LGR6: variants seen among roughly 807,000 people sequenced by gnomAD.
LGR6 encodes leucine rich repeat containing G protein-coupled receptor 6, also known as leucine-rich repeat-containing G protein-coupled receptor 6.
LGR6 carries 45 observed loss-of-function variants against 69.4 expected under a neutral mutation model. That is an observed-to-expected ratio of 0.65 (90% CI 0.51 to 0.83). LGR6 has a LOEUF of 0.83. Ranked by LOEUF, LGR6 falls within the 40% of genes least tolerant of loss-of-function variation. The pLI is 0.00. For synonymous variants in LGR6, 538 were observed against 555.0 expected (o/e 0.97, Z 0.43); for missense variants, 1,108 against 1,246.7 (o/e 0.89, Z 1.68).
chr1:202,207,010 C>A (rs780611727), intron 1 of LGR6, among the ~76,000 whole-genome samples: 3 of 152,116 alleles, frequency 2.0e-5, no homozygotes, highest in African/African-American at 7.2e-5. Flanking sequence ...CTCCGCCTCT[C>A]GGGTTCAAGC....
At chr1:202,252,703 T>C (rs985618911) in intron 4 of LGR6, among the ~76,000 whole-genome samples, 2 of 152,230 alleles carry the variant, frequency 1.3e-5, no homozygotes, top group Non-Finnish European at 2.9e-5. Flanking sequence ...ACTTGTGGGA[T>C]TGGGACACTA....
intron 7 of LGR6, among the ~76,000 whole-genome samples, chr1:202,300,443 C>T (rs1319391714): frequency 6.6e-6 from 1 of 152,100 alleles, no homozygotes; most frequent in Non-Finnish European, 1.5e-5. Flanking sequence ...CACTTTAGCC[C>T]AGGAGTTCTA....
At chr1:202,238,684 A>G (rs1289757272) in intron 4 of LGR6, among the ~76,000 whole-genome samples, 1 of 151,504 alleles carries the variant, frequency 6.6e-6, no homozygotes, top group Non-Finnish European at 1.5e-5. Flanking sequence ...CGGCCTCCCA[A>G]AGTGCTGGGA....
At chr1:202,230,467 C>T (rs751069598) in intron 3 of LGR6, among the ~76,000 whole-genome samples, 3 of 152,238 alleles carry the variant, frequency 2.0e-5, no homozygotes, top group Non-Finnish European at 4.4e-5. Context: ...TCACTAGTCT[C>T]ACCATCCCGG....
At chr1:202,234,406 T>G (rs1318853976) in intron 3 of LGR6, among the ~76,000 whole-genome samples, 2 of 152,198 alleles carry the variant, frequency 1.3e-5, no homozygotes, top group African/African-American at 4.8e-5. Context: ...GGGTTCATAT[T>G]TGAGATTTTC....
intron 4 of LGR6, among the ~76,000 whole-genome samples, chr1:202,273,371 A>G (rs1377451202): frequency 6.6e-6 from 1 of 152,164 alleles, no homozygotes; most frequent in Non-Finnish European, 1.5e-5. Flanking sequence ...AGCAGAGAGC[A>G]AGGCCCAGAT....
At chr1:202,274,522 T>A (rs1665377895) in intron 4 of LGR6, among the ~76,000 whole-genome samples, 1 of 152,242 alleles carries the variant, frequency 6.6e-6, no homozygotes. Context: ...GTTGTTAGAT[T>A]GGAGCATCAG....
chr1:202,310,894 G>A (rs1653672775), intron 16 of LGR6, among the ~76,000 whole-genome samples: 1 of 152,132 alleles, frequency 6.6e-6, no homozygotes, highest in African/African-American at 2.4e-5. Flanking sequence ...GAGTCTGAAA[G>A]TGAGACTTCC....
chr1:202,215,875 G>A (rs1659744555), intron 1 of LGR6, among the ~76,000 whole-genome samples: 1 of 152,234 alleles, frequency 6.6e-6, no homozygotes, highest in African/African-American at 2.4e-5. Context: ...TCGAGCACAG[G>A]ATCGTGTGGC....
intron 7 of LGR6, among the ~76,000 whole-genome samples, chr1:202,299,475 G>A (rs1290555501): frequency 6.6e-6 from 1 of 151,976 alleles, no homozygotes; most frequent in Non-Finnish European, 1.5e-5. Context: ...AGTTAGCAGG[G>A]ACAAAAATAT....
intron 6 of LGR6, among the ~76,000 whole-genome samples, chr1:202,291,441 C>T (rs1666785278): frequency 6.6e-6 from 1 of 152,230 alleles, no homozygotes; most frequent in South Asian, 2.1e-4. Flanking sequence ...CAAGACACTG[C>T]CATGAAGCAG....
At position 202,319,520 on chromosome 1, in the gene LGR6, G is replaced by A. The variant is rs1654463841; in HGVS notation, c.*313G>A. On this transcript the variant is annotated 3_prime_UTR_variant, in exon 18 of 18. Coordinates refer to ENST00000367278, the MANE Select transcript of LGR6 (RefSeq NM_001017403.2). ...AAATGAGGGAAGTAAAGACAGTGAA[G>A]GGGTGGAGGGTTGATCAGGGCACAG... 1 of 309,558 alleles carries A rather than the reference G, an allele frequency of 3.2e-6. No individual in the cohort carries two copies. The highest frequency in any genetic ancestry group is 5.9e-6 in the Non-Finnish European group (1 of 168,502). 19.2% of individuals were successfully genotyped at this position (309,558 alleles called of 1,614,324 possible). A position where few individuals can be genotyped will look rare whatever the true frequency, so the allele number is the denominator to read the frequency against.
intron 1 of LGR6, among the ~76,000 whole-genome samples, chr1:202,220,248 C>G (rs1660058243): frequency 2.0e-5 from 3 of 150,834 alleles, no homozygotes; most frequent in Non-Finnish European, 4.4e-5. Flanking sequence ...GACAGAATCT[C>G]ATTCTGTCGT....
At chr1:202,227,568 G>A (rs1052533054) in intron 2 of LGR6, among the ~76,000 whole-genome samples, 7 of 152,122 alleles carry the variant, frequency 4.6e-5, no homozygotes, top group Non-Finnish European at 5.9e-5. Context: ...GAGAGCAGGC[G>A]GTGGGTAATC....
At chr1:202,284,513 G>A (rs1666254631) in intron 6 of LGR6, among the ~76,000 whole-genome samples, 1 of 152,166 alleles carries the variant, frequency 6.6e-6, no homozygotes, top group Non-Finnish European at 1.5e-5. Flanking sequence ...GCTTCACTTA[G>A]CACTAGCTCC....
intron 1 of LGR6, among the ~76,000 whole-genome samples, chr1:202,206,251 A>G (rs1659227298): frequency 6.6e-6 from 1 of 152,224 alleles, no homozygotes; most frequent in African/African-American, 2.4e-5. Flanking sequence ...AAAGGAAGGG[A>G]ACCATTGTCT....
chr1:202,298,868 T>C (rs1667368612), intron 7 of LGR6, among the ~76,000 whole-genome samples: 1 of 151,858 alleles, frequency 6.6e-6, no homozygotes, highest in South Asian at 2.1e-4. Context: ...CTGAGACCTA[T>C]AGTACTAGCC....
At chr1:202,273,932 T>TA (rs1665327991) in intron 4 of LGR6, among the ~76,000 whole-genome samples, 1 of 152,176 alleles carries the variant, frequency 6.6e-6, no homozygotes, top group Non-Finnish European at 1.5e-5. Flanking sequence ...CGTGTGGTCC[T>TA]AAGCAGGACT....
chr1:202,218,083 TA>T (rs748268283), intron 1 of LGR6, among the ~76,000 whole-genome samples: 3 of 152,200 alleles, frequency 2.0e-5, no homozygotes, highest in Non-Finnish European at 4.4e-5. Flanking sequence ...GAGGCTGTGC[TA>T]GAAACTAAGA....
Sources: gnomAD v4.1 joint callset for allele counts (sites outside exome capture counted in the v4.1 genomes callset) on GRCh38, gnomAD v4.1.1 for gene constraint, MANE v1.5 for transcripts, NCBI Gene and HGNC (gene_info 2026-07-23, HGNC 2026-07-21) for gene names.